Variants in PALM2AKAP2 observed in about 807,000 individuals in gnomAD.
PALM2AKAP2 encodes the protein PALM2-AKAP2 fusion protein.
Under a neutral mutation model 71.5 loss-of-function variants are expected in PALM2AKAP2, and 37 were observed. The observed-to-expected ratio is 0.52, with a 90% confidence interval of 0.40 to 0.68. PALM2AKAP2 has a LOEUF of 0.68. PALM2AKAP2 is among the 30% of genes least tolerant of loss of function. The pLI is 0.00. For synonymous variants in PALM2AKAP2, 468 were observed against 478.8 expected, an observed-to-expected ratio of 0.98 and a Z score of 0.29; for missense variants, 1,224 against 1,191.8, an observed-to-expected ratio of 1.03 and a Z score of -0.40.
At chr9:109,896,292 A>G (rs62578146) in intron 3 of PALM2AKAP2, among the ~76,000 whole-genome samples, 3,443 of 152,312 alleles carry the variant, frequency 0.023, 66 homozygotes, top group Non-Finnish European at 0.036. Context: ...CCTCCCCACC[A>G]GGTCCCTCCC....
chr9:109,967,979 G>T (rs562444763), intron 6 of PALM2AKAP2, among the ~76,000 whole-genome samples: 2 of 152,310 alleles, frequency 1.3e-5, no homozygotes, highest in East Asian at 3.9e-4. Context: ...CAAGGACTTG[G>T]TCTTTTTCTC....
intron 1 of PALM2AKAP2, among the ~76,000 whole-genome samples, chr9:109,721,077 C>A (rs563114698): frequency 2.6e-5 from 4 of 152,312 alleles, no homozygotes; most frequent in Non-Finnish European, 5.9e-5. Context: ...ATCACACCAA[C>A]TCATAGCTTT....
intron 1 of PALM2AKAP2, among the ~76,000 whole-genome samples, chr9:109,756,432 G>C (rs1380138395): frequency 6.6e-6 from 1 of 152,124 alleles, no homozygotes; most frequent in Non-Finnish European, 1.5e-5. Context: ...TACAGATGTT[G>C]TGGATATGTT....
chr9:109,843,557 T>C (rs1192013033), intron 1 of PALM2AKAP2, among the ~76,000 whole-genome samples: 1 of 152,120 alleles, frequency 6.6e-6, no homozygotes, highest in Non-Finnish European at 1.5e-5. Context: ...CTCAAAATAT[T>C]TTACAGATTA....
At chr9:110,138,287 T>C in exon 2 of PALM2AKAP2, 1 of 1,614,250 alleles carries the variant, frequency 6.2e-7, no homozygotes. Flanking sequence ...TTTCAGCAAG[T>C]ACTCGGAGGC....
rs1829205219 is a variant in PALM2AKAP2 at position 109,768,827 on chromosome 9, AT to A, written c.6-11658del. ...TCAGCACCATGTAAGTGTGTATTAA[AT>A]TTAAAAATAGACCAGGCAAGGTGGC... On this transcript the variant is annotated intron_variant, in intron 1 of 6. Coordinates refer to the PALM2AKAP2 transcript ENST00000374531. Among the ~76,000 whole-genome samples, 4 of 152,224 alleles carry A rather than the reference AT, an allele frequency of 2.6e-5. No homozygotes were observed. The South Asian group carries it at 8.3e-4, about 32-fold the overall frequency.
chr9:110,073,147 C>T (rs1181971625), intron 1 of PALM2AKAP2, among the ~76,000 whole-genome samples: 1 of 152,130 alleles, frequency 6.6e-6, no homozygotes, highest in Non-Finnish European at 1.5e-5. Context: ...TCATAGATTC[C>T]AAAACACAGA....
intron 1 of PALM2AKAP2, among the ~76,000 whole-genome samples, chr9:109,844,931 A>ATGTGTGTGTGTGTGTGTGTGTGTG (rs71373945): frequency 3.3e-4 from 49 of 149,410 alleles, no homozygotes; most frequent in Middle Eastern, 3.5e-3. Flanking sequence ...CCAGAAAATG[A>ATGTGTGTGTGTGTGTGTGTGTGTG]TGTGTGTGTG....
chr9:110,056,240 C>T (rs138090669), intron 1 of PALM2AKAP2, among the ~76,000 whole-genome samples: 66 of 152,324 alleles, frequency 4.3e-4, no homozygotes, highest in African/African-American at 1.5e-3. Flanking sequence ...TTCAGCCCGC[C>T]TCCCAGTGCA....
intron 1 of PALM2AKAP2, among the ~76,000 whole-genome samples, chr9:110,066,147 A>T (rs943256734): frequency 6.6e-6 from 1 of 152,230 alleles, no homozygotes; most frequent in Non-Finnish European, 1.5e-5. Context: ...ATGAGACAAC[A>T]CTTTAAGATG....
At chr9:109,658,998 C>T (rs543747406) in intron 1 of PALM2AKAP2, among the ~76,000 whole-genome samples, 1 of 152,206 alleles carries the variant, frequency 6.6e-6, no homozygotes, top group East Asian at 1.9e-4. Context: ...AGAAGGTTGC[C>T]TTTGAGAGTA....
intron 1 of PALM2AKAP2, among the ~76,000 whole-genome samples, chr9:109,833,244 A>G (rs991503878): frequency 1.3e-5 from 2 of 152,070 alleles, no homozygotes; most frequent in Admixed American, 1.3e-4. Context: ...AATCTCAGCT[A>G]CTCAGGAGGC....
intron 1 of PALM2AKAP2, among the ~76,000 whole-genome samples, chr9:109,849,785 A>T (rs1288397390): frequency 6.6e-6 from 1 of 152,062 alleles, no homozygotes; most frequent in Non-Finnish European, 1.5e-5. Flanking sequence ...AGCAAAAACA[A>T]ATAAACGGAA....
chr9:109,893,525 C>A (rs772797045), intron 3 of PALM2AKAP2, among the ~76,000 whole-genome samples: 7 of 152,184 alleles, frequency 4.6e-5, no homozygotes, highest in Non-Finnish European at 4.4e-5. Flanking sequence ...CTCACTGCAA[C>A]CTCTGCCTCC....
At chr9:110,108,433 G>A (rs1191255925) in intron 1 of PALM2AKAP2, among the ~76,000 whole-genome samples, 11 of 151,942 alleles carry the variant, frequency 7.2e-5, no homozygotes, top group South Asian at 2.1e-4. Flanking sequence ...TTTCTAGTAC[G>A]CTGATGAGAC....
intron 6 of PALM2AKAP2, among the ~76,000 whole-genome samples, chr9:109,987,551 CA>C (rs1832404043): frequency 6.6e-6 from 1 of 152,096 alleles, no homozygotes; most frequent in African/African-American, 2.4e-5. Flanking sequence ...CTTATTAAGT[CA>C]AAAATATAAA....
intron 6 of PALM2AKAP2, among the ~76,000 whole-genome samples, chr9:109,957,405 C>T (rs12686156): frequency 0.058 from 8,853 of 152,214 alleles, 466 homozygotes; most frequent in East Asian, 0.27. Context: ...AGCTGACTCC[C>T]GCACAGAAGA....
chr9:109,937,939 G>A (rs1831267702), intron 6 of PALM2AKAP2, among the ~76,000 whole-genome samples: 1 of 152,194 alleles, frequency 6.6e-6, no homozygotes, highest in Non-Finnish European at 1.5e-5. Flanking sequence ...TATACAAATT[G>A]TAGTGTACCT....
chr9:109,681,497 T>C (rs923857640), intron 1 of PALM2AKAP2, among the ~76,000 whole-genome samples: 3 of 152,156 alleles, frequency 2.0e-5, no homozygotes, highest in Admixed American at 1.3e-4. Context: ...GTTGTAGAGA[T>C]GAAAAGGATT....
Sources: allele counts gnomAD v4.1 joint callset (sites outside exome capture counted in the v4.1 genomes callset), GRCh38; gene constraint gnomAD v4.1.1; transcripts MANE v1.5; gene names NCBI Gene and HGNC (gene_info 2026-07-23, HGNC 2026-07-21).